USP10: variants seen among roughly 807,000 people sequenced by gnomAD.
USP10 encodes ubiquitin specific peptidase 10.
In USP10, 22 loss-of-function variants were observed where a neutral mutation model predicts 84.5. The ratio of observed to expected loss-of-function variants is 0.26; its 90% CI spans 0.19 to 0.37. USP10 has a LOEUF of 0.37. USP10 is among the 10% of genes least tolerant of loss of function. The pLI, the probability that USP10 is intolerant of heterozygous loss-of-function variation, is 1.00. For missense variants in USP10, 1,019 were observed against 998.9 expected (o/e 1.02, Z -0.27); for synonymous variants, 454 against 387.6 (o/e 1.17, Z -2.01).
Position 84,748,758 on chromosome 16 carries a change from T to G in USP10, c.1192+3085T>G, listed in dbSNP as rs1911552448. ...TAGTCATATGACTTTAAATATAGTTTGATAAATAGTTTGTTATGTTCTGTA... is the reference window on the plus strand; with the variant it reads ...TAGTCATATGACTTTAAATATAGTTGGATAAATAGTTTGTTATGTTCTGTA... On this transcript the variant is annotated intron_variant, in intron 4 of 13. Coordinates refer to ENST00000219473, the MANE Select transcript of USP10 (RefSeq NM_005153.3). Among the ~76,000 whole-genome samples the G allele has an allele frequency of 2.0e-5, 3 of 152,326 alleles. No homozygotes were observed. The South Asian group carries it at 6.2e-4, about 32-fold the overall frequency.
chr16:84,757,548 C>A (rs2150845336), intron 4 of USP10, among the ~76,000 whole-genome samples: 1 of 151,900 alleles, frequency 6.6e-6, no homozygotes, highest in African/African-American at 2.4e-5. Flanking sequence ...TTGAGCGATG[C>A]CTTAGATGGA....
At chr16:84,754,173 G>C (rs1269204610) in intron 4 of USP10, among the ~76,000 whole-genome samples, 1 of 152,194 alleles carries the variant, frequency 6.6e-6, no homozygotes, top group African/African-American at 2.4e-5. Context: ...TGTGGAGACA[G>C]TGTGGAGAAT....
chr16:84,742,147 C>T (rs1290028068), intron 3 of USP10, among the ~76,000 whole-genome samples: 1 of 152,154 alleles, frequency 6.6e-6, no homozygotes, highest in Non-Finnish European at 1.5e-5. Context: ...TATTTTCATA[C>T]AGGCATACAA....
At chr16:84,738,636 A>G (rs999569343) in intron 2 of USP10, among the ~76,000 whole-genome samples, 1 of 152,148 alleles carries the variant, frequency 6.6e-6, no homozygotes, top group Non-Finnish European at 1.5e-5. Context: ...CTGGGTGTCA[A>G]CGTGATGCGT....
chr16:84,705,483 G>T (rs573384145), intron 1 of USP10, among the ~76,000 whole-genome samples: 1 of 151,356 alleles, frequency 6.6e-6, no homozygotes, highest in African/African-American at 2.4e-5. Flanking sequence ...CGCCCACCTC[G>T]GCCTCCCAAA....
At chr16:84,707,799 G>C (rs1905733073) in intron 1 of USP10, among the ~76,000 whole-genome samples, 1 of 152,048 alleles carries the variant, frequency 6.6e-6, no homozygotes, top group East Asian at 1.9e-4. Context: ...TTTGGGCCAG[G>C]TGCAGTGAGT....
intron 3 of USP10, among the ~76,000 whole-genome samples, chr16:84,741,443 G>A (rs140603290): frequency 1.3e-5 from 2 of 152,334 alleles, no homozygotes; most frequent in African/African-American, 2.4e-5. Context: ...TGCTTTGCAC[G>A]TGGTGAGCAT....
intron 2 of USP10, among the ~76,000 whole-genome samples, chr16:84,739,539 C>T (rs966801907): frequency 1.4e-4 from 21 of 152,188 alleles, no homozygotes; most frequent in African/African-American, 4.8e-4. Flanking sequence ...TCCCTCATTG[C>T]TGGGATTACA....
At chr16:84,756,729 C>G (rs1437999624) in intron 4 of USP10, among the ~76,000 whole-genome samples, 3 of 152,202 alleles carry the variant, frequency 2.0e-5, no homozygotes, top group Non-Finnish European at 4.4e-5. Flanking sequence ...ATTTGAGACA[C>G]TATGCCTTTA....
At chr16:84,764,768 T>C (rs1913631919) in intron 10 of USP10, among the ~76,000 whole-genome samples, 2 of 151,528 alleles carry the variant, frequency 1.3e-5, no homozygotes, top group Non-Finnish European at 2.9e-5. Context: ...GAGGCAGAGG[T>C]TGCAGTGGCC....
rs763227325 is a variant in USP10 at position 84,740,412 on chromosome 16, A to T, written c.151+43A>T. 1.4e-5 allele frequency: 22 copies of T among 1,557,448 alleles called. No individual in the cohort carries two copies. In the Admixed American group the frequency reaches 2.8e-4, roughly 20 times the overall value. ...TTATTTCCCTGAAGGGAATTTGGCC[A>T]TACGTGCTGGGTGGGCAGGCTACCT... On this transcript the variant is annotated intron_variant, in intron 3 of 13. Transcript: ENST00000219473.
rs116360189 is a variant in USP10 at position 84,746,752 on chromosome 16, G to A, written c.1192+1079G>A. Among the ~76,000 whole-genome samples, 1,049 of 152,164 alleles carry A rather than the reference G, an allele frequency of 6.9e-3. 11 individuals carry two copies. Among genetic ancestry groups the A allele is most frequent in the African/African-American group, 0.024 (992 of 41,506 alleles). ...ACAGTCAACACTTAGGCTGTACTACGTTGATTTACAAATTTTTCCTCAATA... is the reference window on the plus strand; with the variant it reads ...ACAGTCAACACTTAGGCTGTACTACATTGATTTACAAATTTTTCCTCAATA... On this transcript the variant is annotated intron_variant, in intron 4 of 13. Transcript: ENST00000219473.
chr16:84,722,159 A>G lies in USP10; in HGVS notation c.22-11276A>G, dbSNP rs534241673. On this transcript the variant is annotated intron_variant, in intron 1 of 13. Coordinates refer to ENST00000219473, the MANE Select transcript of USP10 (RefSeq NM_005153.3). ...TGCTTCTGTCACTATAGGCTAAGAA[A>G]GTTTGCCTTTTCTAGAATTACATTG... Among the ~76,000 whole-genome samples the G allele has an allele frequency of 3.9e-5, 6 of 152,346 alleles. No homozygotes were observed. The South Asian group carries it at 1.2e-3, about 32-fold the overall frequency.
At chr16:84,732,861 C>G (rs1453998778) in intron 1 of USP10, among the ~76,000 whole-genome samples, 1 of 152,118 alleles carries the variant, frequency 6.6e-6, no homozygotes, top group Non-Finnish European at 1.5e-5. Flanking sequence ...TTCTGAATTC[C>G]GTGAAATCAG....
chr16:84,707,370 C>T (rs1057325719), intron 1 of USP10, among the ~76,000 whole-genome samples: 3 of 152,076 alleles, frequency 2.0e-5, no homozygotes, highest in African/African-American at 4.8e-5. Context: ...TTAATAAAGT[C>T]GTTTATTTTA....
At chr16:84,754,493 T>C (rs1198939206) in intron 4 of USP10, among the ~76,000 whole-genome samples, 2 of 152,208 alleles carry the variant, frequency 1.3e-5, no homozygotes, top group East Asian at 3.8e-4. Flanking sequence ...CCCGTACGTA[T>C]GTTCTGCTGT....
intron 1 of USP10, among the ~76,000 whole-genome samples, chr16:84,725,357 A>G (rs1331104347): frequency 6.6e-6 from 1 of 152,188 alleles, no homozygotes; most frequent in South Asian, 2.1e-4. Flanking sequence ...CTGTTGTAGC[A>G]TGCATTAGTC....
At chr16:84,770,772 C>A (rs28432803) in intron 11 of USP10, among the ~76,000 whole-genome samples, 4,334 of 31,160 alleles carry the variant, frequency 0.14, 300 homozygotes, top group African/African-American at 0.24. Flanking sequence ...ACTCCGTCCC[C>A]AAAAAAAAAA....
At chr16:84,727,587 T>C (rs1042870473) in intron 1 of USP10, among the ~76,000 whole-genome samples, 2 of 152,234 alleles carry the variant, frequency 1.3e-5, no homozygotes, top group African/African-American at 4.8e-5. Context: ...ATCCACCTGT[T>C]GTTAAGATTA....
Sources: gnomAD v4.1 joint callset for allele counts (sites outside exome capture counted in the v4.1 genomes callset) on GRCh38, gnomAD v4.1.1 for gene constraint, MANE v1.5 for transcripts, NCBI Gene and HGNC (gene_info 2026-07-23, HGNC 2026-07-21) for gene names.